OR2L13: variants seen among roughly 807,000 people sequenced by gnomAD.
OR2L13 encodes olfactory receptor family 2 subfamily L member 13.
A neutral mutation model predicts 15.3 loss-of-function variants in OR2L13; 14 were observed. The observed-to-expected ratio is 0.91, with a 90% CI of 0.60 to 1.43. OR2L13 has a LOEUF of 1.43. Ranked by LOEUF, OR2L13 falls within the 40% of genes most tolerant of loss-of-function variation. OR2L13 has a pLI of 0.00. For missense variants in OR2L13, 367 were observed against 387.9 expected, an observed-to-expected ratio of 0.95 and a Z score of 0.45; for synonymous variants, 152 against 142.9, an observed-to-expected ratio of 1.06 and a Z score of -0.45.
chr1:248,038,718 A>G, the OR2L13 span: 1 of 1,614,106 alleles, frequency 6.2e-7, no homozygotes, highest in Non-Finnish European at 8.5e-7. Flanking sequence ...TTGGATGATA[A>G]GCTCTATCAA....
the OR2L13 span, chr1:248,061,198 A>G: frequency 3.1e-6 from 5 of 1,612,292 alleles, no homozygotes; most frequent in East Asian, 2.2e-5. Flanking sequence ...ATCCAGGGCC[A>G]TCAATCATTT....
At chr1:248,010,021 T>C in the OR2L13 span, among the ~76,000 whole-genome samples, 654 of 152,198 alleles carry the variant, frequency 4.3e-3, 2 homozygotes, top group African/African-American at 0.015. Context: ...TATCTCAAAA[T>C]AATAAGAGCT....
At chr1:248,035,990 CTTATAA>C in the OR2L13 span, among the ~76,000 whole-genome samples, 5,441 of 152,108 alleles carry the variant, frequency 0.036, 326 homozygotes, top group African/African-American at 0.12. Flanking sequence ...CTCTCAAAAA[CTTATAA>C]TTAAAATTTT....
the OR2L13 span, among the ~76,000 whole-genome samples, chr1:248,065,658 C>T: frequency 1.4e-4 from 19 of 139,180 alleles, no homozygotes; most frequent in African/African-American, 5.1e-4. Context: ...TTGTTCAGTT[C>T]CCACCTATGA....
the OR2L13 span, among the ~76,000 whole-genome samples, chr1:248,019,555 A>G: frequency 6.6e-6 from 1 of 152,136 alleles, no homozygotes; most frequent in African/African-American, 2.4e-5. Flanking sequence ...ATATGGTGTA[A>G]AGTAAGCATC....
At chr1:247,957,075 G>C in the OR2L13 span, among the ~76,000 whole-genome samples, 1 of 152,174 alleles carries the variant, frequency 6.6e-6, no homozygotes, top group Non-Finnish European at 1.5e-5. Context: ...GATATTGGCT[G>C]TAAGTTTGTC....
chr1:248,034,665 A>G, the OR2L13 span, among the ~76,000 whole-genome samples: 1 of 152,064 alleles, frequency 6.6e-6, no homozygotes. Context: ...GCATTTTGTC[A>G]TTTTTCAATA....
chr1:248,035,396 C>A, the OR2L13 span, among the ~76,000 whole-genome samples: 4 of 151,916 alleles, frequency 2.6e-5, no homozygotes, highest in African/African-American at 9.7e-5. Flanking sequence ...TTGCAGTGAG[C>A]CGAGATCGCG....
chr1:248,058,143 A>G, the OR2L13 span, among the ~76,000 whole-genome samples: 1 of 152,172 alleles, frequency 6.6e-6, no homozygotes, highest in African/African-American at 2.4e-5. Flanking sequence ...TTAATGTTTT[A>G]TGAAAGAAAT....
the OR2L13 span, chr1:247,939,108 G>A: frequency 1.3e-5 from 2 of 152,172 alleles, no homozygotes; most frequent in Non-Finnish European, 2.9e-5. Flanking sequence ...GAGGCTATTA[G>A]CCACTAGTCT....
the OR2L13 span, among the ~76,000 whole-genome samples, chr1:248,067,808 C>T: frequency 3.3e-5 from 5 of 152,230 alleles, no homozygotes; most frequent in Admixed American, 2.0e-4. Flanking sequence ...TGCGCTTTTC[C>T]GACGGGCTTA....
chr1:247,955,176 C>T, the OR2L13 span, among the ~76,000 whole-genome samples: 2 of 151,936 alleles, frequency 1.3e-5, no homozygotes, highest in East Asian at 3.9e-4. Flanking sequence ...TCAATTCCCA[C>T]CTATGAGTGA....
chr1:248,059,286 T>C, the OR2L13 span, among the ~76,000 whole-genome samples: 2 of 152,180 alleles, frequency 1.3e-5, no homozygotes, highest in South Asian at 4.1e-4. Context: ...CTGTGCAAAG[T>C]TGTTCTCTGA....
the OR2L13 span, among the ~76,000 whole-genome samples, chr1:247,983,561 AT>A: frequency 7.1e-6 from 1 of 141,424 alleles, no homozygotes; most frequent in East Asian, 2.1e-4. Flanking sequence ...ATTTGGATTT[AT>A]TTTTATCTAA....
At chr1:247,937,663 G>C in the OR2L13 span, 1 of 155,012 alleles carries the variant, frequency 6.5e-6, no homozygotes, top group Non-Finnish European at 1.4e-5. Flanking sequence ...CAGCAGCTCA[G>C]GGATGGGGCT....
chr1:248,075,552 G>A, the OR2L13 span, among the ~76,000 whole-genome samples: 1 of 152,142 alleles, frequency 6.6e-6, no homozygotes, highest in Non-Finnish European at 1.5e-5. Context: ...ATTCTAACTG[G>A]CGTGAGATGG....
the OR2L13 span, among the ~76,000 whole-genome samples, chr1:248,021,702 A>G: frequency 2.0e-5 from 3 of 152,360 alleles, no homozygotes; most frequent in South Asian, 2.1e-4. Context: ...TTATTAGAGT[A>G]TATAGTTATA....
chr1:247,948,836 G>A, the OR2L13 span: 17 of 1,569,600 alleles, frequency 1.1e-5, no homozygotes, highest in African/African-American at 6.8e-5. Context: ...TCTCCCTTCC[G>A]AATGGATTGT....
At chr1:248,028,584 T>C in the OR2L13 span, among the ~76,000 whole-genome samples, 8 of 152,232 alleles carry the variant, frequency 5.3e-5, no homozygotes, top group Non-Finnish European at 8.8e-5. Context: ...ATATTTCTTA[T>C]TCTAATCTCT....
Sources: gnomAD v4.1 joint callset for allele counts (sites outside exome capture counted in the v4.1 genomes callset) on GRCh38, gnomAD v4.1.1 for gene constraint, MANE v1.5 for transcripts, NCBI Gene and HGNC (gene_info 2026-07-23, HGNC 2026-07-21) for gene names.